The following WHRN variants were observed in gnomAD, a reference collection of about 807,000 sequenced individuals.
WHRN encodes the protein CASK-interacting protein CIP98.
Under a neutral mutation model 68.3 loss-of-function variants are expected in WHRN, and 41 were observed. That is an observed-to-expected ratio of 0.60 (90% CI 0.47 to 0.78). The LOEUF is 0.78. Ranked by LOEUF, WHRN falls within the 30% of genes least tolerant of loss-of-function variation. WHRN has a pLI of 0.00. For missense variants in WHRN, 1,243 were observed against 1,244.7 expected (o/e 1.00, Z 0.02); for synonymous variants, 560 against 561.3 (o/e 1.00, Z 0.03).
rs771508424 is a variant in WHRN at position 114,403,850 on chromosome 9, G to C, written c.2418+46C>G. On this transcript the variant is annotated intron_variant, in intron 10 of 11. Transcript: ENST00000362057. ...CGGGACCTCCCATTCTGTGCCTGGG[G>C]CCCGTGTTCCTCTCAGCCCTCTGCA... 23 of 1,603,466 alleles carry C rather than the reference G, an allele frequency of 1.4e-5. No homozygotes were observed. The Middle Eastern group carries it at 5.2e-4, about 36-fold the overall frequency.
intron 3 of WHRN, among the ~76,000 whole-genome samples, chr9:114,439,635 T>TACAGATATATGTGTGTACACACATAC (rs145609836): frequency 6.6e-6 from 1 of 151,848 alleles, no homozygotes; most frequent in African/African-American, 2.4e-5. Context: ...TACACACACA[T>TACAGATATATGTGTGTACACACATAC]AGATATATGT....
chr9:114,421,507 T>C (rs1392012663), intron 7 of WHRN, among the ~76,000 whole-genome samples: 3 of 152,208 alleles, frequency 2.0e-5, no homozygotes, highest in Non-Finnish European at 4.4e-5. Flanking sequence ...AACCTAGACC[T>C]CCTGCCTCCC....
chr9:114,491,071 G>A (rs1842933967), intron 1 of WHRN, among the ~76,000 whole-genome samples: 1 of 152,072 alleles, frequency 6.6e-6, no homozygotes, highest in Admixed American at 6.6e-5. Flanking sequence ...AGCCCCAATG[G>A]GTTTGCAATG....
chr9:114,450,513 C>T (rs1343439754), intron 3 of WHRN, among the ~76,000 whole-genome samples: 1 of 152,142 alleles, frequency 6.6e-6, no homozygotes, highest in African/African-American at 2.4e-5. Context: ...AAATCACTTC[C>T]ACCTTCTGAG....
At chr9:114,459,034 G>A (rs768889828) in intron 3 of WHRN, among the ~76,000 whole-genome samples, 34 of 152,334 alleles carry the variant, frequency 2.2e-4, no homozygotes, top group Admixed American at 5.9e-4. Context: ...GAGCTGGGAT[G>A]GGGATCTGGC....
Sources: gnomAD v4.1 joint callset for allele counts (sites outside exome capture counted in the v4.1 genomes callset) on GRCh38, gnomAD v4.1.1 for gene constraint, MANE v1.5 for transcripts, NCBI Gene and HGNC (gene_info 2026-07-23, HGNC 2026-07-21) for gene names.